Variants in SIK3 observed in about 807,000 individuals in gnomAD.
The protein encoded by SIK3 is SIK family kinase 3.
Under a neutral mutation model 144.2 loss-of-function variants are expected in SIK3, and 28 were observed. The observed-to-expected ratio is 0.19, with a 90% CI of 0.14 to 0.27. The LOEUF (loss-of-function observed/expected upper bound fraction) is 0.27. Among genes scored for constraint, SIK3 ranks in the 10% least tolerant of loss-of-function variants. The pLI is 1.00. For synonymous variants in SIK3, 686 were observed against 676.3 expected (o/e 1.01, Z -0.22); for missense variants, 1,319 against 1,776.0 (o/e 0.74, Z 4.62).
At chr11:116,980,322 C>T (rs1399052216) in intron 1 of SIK3, among the ~76,000 whole-genome samples, 1 of 152,046 alleles carries the variant, frequency 6.6e-6, no homozygotes, top group African/African-American at 2.4e-5. Flanking sequence ...CTGGTTGGTT[C>T]GGTAAAGCCC....
intron 1 of SIK3, among the ~76,000 whole-genome samples, chr11:117,053,011 A>G (rs1218851899): frequency 6.6e-6 from 1 of 152,148 alleles, no homozygotes; most frequent in Non-Finnish European, 1.5e-5. Flanking sequence ...CCCACCTTCA[A>G]AAAAGCCACA....
intron 1 of SIK3, among the ~76,000 whole-genome samples, chr11:116,975,058 A>G (rs934822441): frequency 2.0e-5 from 3 of 152,178 alleles, no homozygotes; most frequent in African/African-American, 7.2e-5. Flanking sequence ...TTCTGAAAGT[A>G]GATTTTTTTA....
At chr11:116,896,140 T>C in intron 6 of SIK3, 113 bp downstream of exon 6, 1 of 1,436,204 alleles carries the variant, frequency 7.0e-7, no homozygotes, top group Non-Finnish European at 9.5e-7. Context: ...CAAGCTGGAG[T>C]TAAAAAAGGT....
At chr11:117,066,036 T>G (rs1299976977) in intron 1 of SIK3, among the ~76,000 whole-genome samples, 7 of 152,000 alleles carry the variant, frequency 4.6e-5, no homozygotes, top group Non-Finnish European at 4.4e-5. Flanking sequence ...AGGAATCCGG[T>G]CTTCACTAGA....
At chr11:116,875,574 C>T (rs546075131) in intron 9 of SIK3, 123 bp from the exon 10 acceptor site, 10 of 1,102,318 alleles carry the variant, frequency 9.1e-6, no homozygotes, top group South Asian at 3.1e-5. Context: ...TTTGGTTCAT[C>T]GGCCCTTAGA....
Position 116,858,102 on chromosome 11 carries a change from C to T in SIK3, c.3363G>A (p.Gln1121=). 1.2e-6 allele frequency: 2 copies of T among 1,614,120 alleles called. No homozygotes were observed. The highest frequency in any genetic ancestry group is 2.2e-5 in the South Asian group (2 of 91,074). ...CGTGGGGCGGGGTGGGTGAGGAAGC[C>T]TGTGAGACACATTCTTGTGCCCTGA... is the stretch of plus-strand genomic sequence containing the variant. ...LQIRAQECVS[Q]ASSPTPPHGY... is the part of the protein sequence containing the mutation. The change falls in exon 21 of 25, where the codon CAG becomes CAA. Residue 1121 remains glutamine (Q), a synonymous_variant. Coordinates refer to ENST00000445177, the MANE Select transcript of SIK3 (RefSeq NM_001366686.3). The surrounding 1 kb of genome is among the most constrained non-coding windows in gnomAD (Gnocchi z 5.4).
intron 1 of SIK3, among the ~76,000 whole-genome samples, chr11:117,030,166 G>T (rs1301209270): frequency 6.6e-6 from 1 of 152,044 alleles, no homozygotes. Context: ...GGCATAAATC[G>T]AAACTATATT....
chr11:116,896,636 C>A (rs946308261), intron 5 of SIK3, among the ~76,000 whole-genome samples: 1 of 152,168 alleles, frequency 6.6e-6, no homozygotes, highest in African/African-American at 2.4e-5. Context: ...TGGCAACGGC[C>A]CCCATCCAAG....
intron 3 of SIK3, among the ~76,000 whole-genome samples, chr11:116,930,621 C>T (rs1947549045): frequency 6.6e-6 from 1 of 152,134 alleles, no homozygotes; most frequent in South Asian, 2.1e-4. Flanking sequence ...TCAGGATAAA[C>T]TCCAATTGCA....
chr11:116,990,722 T>C (rs1466491484), intron 1 of SIK3, among the ~76,000 whole-genome samples: 1 of 152,116 alleles, frequency 6.6e-6, no homozygotes, highest in Non-Finnish European at 1.5e-5. Context: ...ACTCAACCCA[T>C]CTACAACTAA....
intron 1 of SIK3, among the ~76,000 whole-genome samples, chr11:117,058,203 C>T (rs904755258): frequency 1.4e-4 from 22 of 152,020 alleles, no homozygotes; most frequent in Non-Finnish European, 1.8e-4. Context: ...GGCTAGAAAA[C>T]CAGAAAGATC....
At chr11:117,042,692 G>C (rs576222986) in intron 1 of SIK3, among the ~76,000 whole-genome samples, 2 of 152,224 alleles carry the variant, frequency 1.3e-5, no homozygotes, top group African/African-American at 4.8e-5. Flanking sequence ...ATTAAGAAAA[G>C]CCAACTGGCT....
At chr11:117,051,758 A>G (rs977621025) in intron 1 of SIK3, among the ~76,000 whole-genome samples, 8 of 151,850 alleles carry the variant, frequency 5.3e-5, no homozygotes, top group African/African-American at 1.9e-4. Flanking sequence ...CAAACTCCTG[A>G]CCTCAGGTGA....
At chr11:117,026,936 A>G (rs566314035) in intron 1 of SIK3, among the ~76,000 whole-genome samples, 51 of 152,250 alleles carry the variant, frequency 3.3e-4, no homozygotes, top group Non-Finnish European at 6.8e-4. Flanking sequence ...AATGTAATAC[A>G]AGTAAGGGGG....
At chr11:116,894,535 A>G (rs967989458) in intron 6 of SIK3, among the ~76,000 whole-genome samples, 2 of 152,198 alleles carry the variant, frequency 1.3e-5, no homozygotes, top group Non-Finnish European at 2.9e-5. Flanking sequence ...TCTTTCTTTC[A>G]TATCAAATCC....
At chr11:117,005,336 GAAAAAAAAAAAAAA>G (rs35279676) in intron 1 of SIK3, among the ~76,000 whole-genome samples, 7 of 55,966 alleles carry the variant, frequency 1.3e-4, no homozygotes, top group Admixed American at 5.2e-4. Flanking sequence ...CCCCGTCTCA[GAAAAAAAAAAAAAA>G]AAAAAAAAAA....
chr11:116,871,538 A>G (rs1052050575), intron 13 of SIK3, among the ~76,000 whole-genome samples: 4 of 152,204 alleles, frequency 2.6e-5, no homozygotes, highest in African/African-American at 9.7e-5. Flanking sequence ...ATAAAGATTT[A>G]TATTTGCAAA....
chr11:117,013,969 TTTC>T lies in SIK3; in HGVS notation c.274-56908_274-56906del, dbSNP rs1191418663. On this transcript the variant is annotated intron_variant, in intron 1 of 24. Coordinates refer to ENST00000445177, the MANE Select transcript of SIK3 (RefSeq NM_001366686.3). ...GTGTGTGTTTTATTTCTTTTTTTCT[TTTC>T]TTTTTTTTTTTTTTTTTTTTTTGAG... is the stretch of plus-strand genomic sequence containing the variant. Among the ~76,000 whole-genome samples the T allele has an allele frequency of 1.9e-4, 14 of 74,372 alleles. 2 individuals are homozygous for T. Among genetic ancestry groups the T allele is most frequent in the African/African-American group, 4.7e-4 (9 of 19,034 alleles). The allele number at this position is 74,372 out of a possible 152,430, so 48.8% of individuals were successfully genotyped here.
At chr11:117,058,162 T>C (rs976765325) in intron 1 of SIK3, among the ~76,000 whole-genome samples, 4 of 152,096 alleles carry the variant, frequency 2.6e-5, no homozygotes, top group Admixed American at 2.6e-4. Flanking sequence ...AAAGGGCCAG[T>C]GAAGCTAAGG....
Sources: gnomAD v4.1 joint callset for allele counts (sites outside exome capture counted in the v4.1 genomes callset) on GRCh38, gnomAD v4.1.1 for gene constraint, Gnocchi (gnomAD v3.1) non-coding constraint, MANE v1.5 for transcripts, NCBI Gene and HGNC (gene_info 2026-07-23, HGNC 2026-07-21) for gene names.